Variants in NMNAT1 observed in about 807,000 individuals in gnomAD.
NMNAT1 encodes nicotinamide nucleotide adenylyltransferase 1, also known as nicotinamide/nicotinic acid mononucleotide adenylyltransferase 1.
In NMNAT1, 11 loss-of-function variants were observed where a neutral mutation model predicts 16.7. The ratio of observed to expected loss-of-function variants is 0.66; its 90% CI spans 0.41 to 1.09. The LOEUF is 1.09. NMNAT1 is among the 50% of genes least tolerant of loss of function. The probability of loss-of-function intolerance (pLI) is 0.00; values close to 1 mark genes in which losing one functional copy is unlikely to be tolerated. For synonymous variants in NMNAT1, 110 were observed against 119.8 expected, an observed-to-expected ratio of 0.92 and a Z score of 0.53; for missense variants, 280 against 332.3, an observed-to-expected ratio of 0.84 and a Z score of 1.22.
downstream of NMNAT1, chr1:9,985,594 G>C (rs948054530): frequency 6.6e-6 from 1 of 152,226 alleles, no homozygotes. Flanking sequence ...CTTGGAACTA[G>C]AACAGTGGAA....
the NMNAT1 span, among the ~76,000 whole-genome samples, chr1:9,992,978 G>A: frequency 1.3e-5 from 2 of 152,078 alleles, no homozygotes; most frequent in Non-Finnish European, 2.9e-5. Context: ...GAAGCCAAAG[G>A]AGCTAACCAG....
In NMNAT1 at chr1:9,974,363, C is replaced by CT. The variant is rs574598627; in HGVS notation, c.116-1228dup. 1.4e-4 allele frequency among the ~76,000 whole-genome samples: 21 copies of CT among 150,030 alleles called. 1 individual carries two copies. In the East Asian group the frequency reaches 4.2e-3, roughly 30 times the overall value. ...GCCTCAGGCTCCTGAGTAGCTGTGA[C>CT]TACAGGCATGCCACCACATCTGGCT... On this transcript the variant is annotated intron_variant, in intron 2 of 4. Transcript: ENST00000377205.
intron 1 of NMNAT1, among the ~76,000 whole-genome samples, chr1:9,961,597 G>C (rs1641409595): frequency 6.6e-6 from 1 of 152,174 alleles, no homozygotes; most frequent in Admixed American, 6.6e-5. Context: ...GTGAATCATG[G>C]TATGATACTT....
intron 1 of NMNAT1, among the ~76,000 whole-genome samples, chr1:9,962,970 C>T (rs1245809158): frequency 1.3e-5 from 2 of 151,950 alleles, no homozygotes; most frequent in Non-Finnish European, 2.9e-5. Context: ...TGTGAGCCAC[C>T]GTGCCTGGCC....
At position 9,982,309 on chromosome 1, in the gene NMNAT1, A is replaced by G. The variant is rs1641965484; in HGVS notation, c.448A>G (p.Lys150Glu). ...TGTTTTATTCTTCCCAGCTGTGCCA[A>G]AGGTCAAGCTGCTGTGTGGGGCAGA... is the stretch of plus-strand genomic sequence containing the variant. ...SLEPKTKAVP[K>E]VKLLCGADLL... Residue 150 changes from lysine (K) to glutamate (E), a missense_variant, in exon 5 of 5, where the codon AAG (lysine) becomes GAG (glutamate). Transcript: ENST00000377205. 6.2e-7 allele frequency: 1 copy of G among 1,610,364 alleles called. No homozygotes were observed. Among genetic ancestry groups the G allele is most frequent in the Admixed American group, 1.7e-5 (1 of 59,498 alleles).
rs1570719487 is a variant in NMNAT1, at chr1:9,984,906, G to T, written c.*2205G>T. On this transcript the variant is annotated 3_prime_UTR_variant, in exon 5 of 5. Transcript: ENST00000377205. ...AGCCATGGGGATGGTTTAGGTTAAAGAATGCTTTTTTTTGGCCATCATGAG... is the reference window on the plus strand; with the variant it reads ...AGCCATGGGGATGGTTTAGGTTAAATAATGCTTTTTTTTGGCCATCATGAG... 1 of 152,120 alleles carries T rather than the reference G, an allele frequency of 6.6e-6. No homozygotes were observed. 9.4% of individuals were successfully genotyped at this position (152,120 alleles called of 1,614,324 possible). A position where few individuals can be genotyped will look rare whatever the true frequency, so the allele number is the denominator to read the frequency against.
At chr1:9,979,629 T>C (rs187546999) in intron 3 of NMNAT1, among the ~76,000 whole-genome samples, 21 of 151,868 alleles carry the variant, frequency 1.4e-4, no homozygotes, top group Middle Eastern at 6.9e-3. Flanking sequence ...TGAAACCCTG[T>C]CTCTACTAAA....
At chr1:9,948,805 C>T (rs1228575965) in intron 1 of NMNAT1, among the ~76,000 whole-genome samples, 1 of 151,690 alleles carries the variant, frequency 6.6e-6, no homozygotes, top group Non-Finnish European at 1.5e-5. Context: ...CGCCACCATG[C>T]CTGGCTAATT....
chr1:9,949,594 A>G (rs1641061011), intron 1 of NMNAT1: 1 of 151,362 alleles, frequency 6.6e-6, no homozygotes, highest in Non-Finnish European at 1.5e-5. Flanking sequence ...GTGTGTATAT[A>G]TATATATGTA....
At chr1:9,977,187 G>A (rs1407004776) in intron 3 of NMNAT1, among the ~76,000 whole-genome samples, 2 of 152,008 alleles carry the variant, frequency 1.3e-5, no homozygotes, top group African/African-American at 2.4e-5. Context: ...GGATTACAGA[G>A]GTGAGCCACC....
At chr1:9,995,205 G>A in the NMNAT1 span, among the ~76,000 whole-genome samples, 24 of 152,086 alleles carry the variant, frequency 1.6e-4, no homozygotes, top group Non-Finnish European at 2.5e-4. Flanking sequence ...GAGACCAACC[G>A]CCGGCAACAC....
the NMNAT1 span, among the ~76,000 whole-genome samples, chr1:9,995,414 TG>T: frequency 5.3e-5 from 8 of 151,200 alleles, no homozygotes; most frequent in East Asian, 1.6e-3. Flanking sequence ...ATAGTCAGTC[TG>T]GGTGTGGTGG....
At chr1:9,994,773 G>A in the NMNAT1 span, among the ~76,000 whole-genome samples, 3 of 151,800 alleles carry the variant, frequency 2.0e-5, no homozygotes, top group Admixed American at 6.6e-5. Flanking sequence ...CACCACGCCC[G>A]GCTAATTTTT....
At chr1:9,953,025 G>A (rs754680383) in intron 1 of NMNAT1, among the ~76,000 whole-genome samples, 61 of 151,680 alleles carry the variant, frequency 4.0e-4, no homozygotes, top group Non-Finnish European at 8.5e-4. Flanking sequence ...CTGTCGCCCA[G>A]GTGGAAGTGC....
chr1:9,985,822 C>T (rs1328733875), downstream of NMNAT1, among the ~76,000 whole-genome samples: 3 of 152,156 alleles, frequency 2.0e-5, no homozygotes, highest in Non-Finnish European at 4.4e-5. Context: ...GTTACCACGC[C>T]TGGCTAATTT....
intron 3 of NMNAT1, 44 bp downstream of exon 3, chr1:9,975,819 T>G (rs763525108): frequency 4.8e-6 from 7 of 1,452,810 alleles, no homozygotes; most frequent in Admixed American, 3.9e-5. Flanking sequence ...TGTAAATGGC[T>G]AAGCGGCTTA....
intron 1 of NMNAT1, chr1:9,960,793 C>T (rs1351122179): frequency 6.6e-6 from 1 of 152,166 alleles, no homozygotes; most frequent in East Asian, 1.9e-4. Context: ...ATCATGGTGA[C>T]ACTGGGCCCA....
chr1:9,983,089 A>G lies in NMNAT1; in HGVS notation c.*388A>G. On this transcript the variant is annotated 3_prime_UTR_variant, in exon 5 of 5. Coordinates refer to ENST00000377205, the MANE Select transcript of NMNAT1 (RefSeq NM_022787.4). The stretch of plus-strand genomic sequence containing the variant: ...CCATTGCACTCCAGCCTGGCGACAG[A>G]GCAAGACTCTGTCTCAAAAAAAAAA... 1 of 152,158 alleles carries G rather than the reference A, an allele frequency of 6.6e-6. No individual in the cohort carries two copies. The allele number at this position is 152,158 out of a possible 1,614,324, so 9.4% of individuals were successfully genotyped here. A position where few individuals can be genotyped will look rare whatever the true frequency, so the allele number is the denominator to read the frequency against.
chr1:9,982,368 G>A lies in NMNAT1; in HGVS notation c.507G>A (p.Trp169Ter), dbSNP rs371526758. Residue 169 changes from tryptophan to a stop codon, truncating the protein, a stop_gained, in exon 5 of 5, where the codon TGG becomes TGA. Coordinates refer to ENST00000377205, the MANE Select transcript of NMNAT1 (RefSeq NM_022787.4). LOFTEE classifies it high-confidence loss of function. ...LLESFAVPNL[W>*]KSEDITQIVA... The stretch of plus-strand genomic sequence containing the variant: ...AGTCCTTTGCTGTTCCCAATTTGTG[G>A]AAGAGTGAAGACATCACCCAAATCG... 4.8e-5 allele frequency: 77 copies of A among 1,614,054 alleles called. No individual in the cohort carries two copies. The highest frequency in any genetic ancestry group is 1.7e-4 in the Admixed American group (10 of 59,982).
Sources: gnomAD v4.1 joint callset for allele counts (sites outside exome capture counted in the v4.1 genomes callset) on GRCh38, gnomAD v4.1.1 for gene constraint, MANE v1.5 for transcripts, NCBI Gene and HGNC (gene_info 2026-07-23, HGNC 2026-07-21) for gene names.